The following SYTL4 variants were observed in gnomAD, a reference collection of about 807,000 sequenced individuals.
SYTL4 encodes the protein synaptotagmin like 4.
Under a neutral mutation model 52.7 loss-of-function variants are expected in SYTL4, and 16 were observed. That is an observed-to-expected ratio of 0.30 (90% confidence interval 0.21 to 0.46). SYTL4 has a LOEUF of 0.46. Among genes scored for constraint, SYTL4 ranks in the 20% least tolerant of loss-of-function variants. The probability of loss-of-function intolerance (pLI) is 1.00; values close to 1 mark genes in which losing one functional copy is unlikely to be tolerated. For synonymous variants in SYTL4, 160 were observed against 186.6 expected (o/e 0.86, Z 1.16); for missense variants, 423 against 519.9 (o/e 0.81, Z 1.81).
chrX:100,699,530 C>A lies in SYTL4; in HGVS notation c.539+1367G>T, dbSNP rs2083799540. Among the ~76,000 whole-genome samples, 3 of 70,836 alleles carry A rather than the reference C, an allele frequency of 4.2e-5. No homozygotes were observed. In the Admixed American group the frequency reaches 5.7e-4, roughly 13 times the overall value. The allele number at this position is 70,836 out of a possible 115,157, so 61.5% of individuals were successfully genotyped here. On this transcript the variant is annotated intron_variant, in intron 8 of 19. Coordinates refer to ENST00000372989, the MANE Select transcript of SYTL4 (RefSeq NM_001370165.1). ...TTTGAGACGGAGTCTCACTCTGTTG[C>A]CAGGCTGGAGTGCAATGGCGCGATC... is the stretch of plus-strand genomic sequence containing the variant.
At chrX:100,698,353 T>C (rs1449628733) in intron 8 of SYTL4, among the ~76,000 whole-genome samples, 1 of 111,534 alleles carries the variant, frequency 9.0e-6, no homozygotes, top group Non-Finnish European at 1.9e-5. Context: ...TCCGCCCGCC[T>C]CGGCCTCCCA....
intron 2 of SYTL4, among the ~76,000 whole-genome samples, chrX:100,712,996 G>A (rs1015403091): frequency 8.9e-6 from 1 of 112,081 alleles, no homozygotes; most frequent in Admixed American, 9.5e-5. Flanking sequence ...AATGTTGGCC[G>A]GCATTTGAAG....
chrX:100,688,521 A>G, intron 12 of SYTL4, 78 bp from the exon 13 acceptor site: 1 of 885,518 alleles, frequency 1.1e-6, no homozygotes, highest in South Asian at 2.4e-5. Context: ...TCTTTCCTTT[A>G]AAGCTCCAAG....
At chrX:100,716,546 TAAA>T (rs751442914) in intron 2 of SYTL4, among the ~76,000 whole-genome samples, 15 of 43,305 alleles carry the variant, frequency 3.5e-4, no homozygotes, top group African/African-American at 8.0e-4. Flanking sequence ...CTGCAAAACT[TAAA>T]AAAAAAAAAA....
chrX:100,727,062 G>T (rs1204573070), intron 2 of SYTL4, among the ~76,000 whole-genome samples: 1 of 111,068 alleles, frequency 9.0e-6, no homozygotes, highest in Non-Finnish European at 1.9e-5. Flanking sequence ...TCCTCCTGCT[G>T]CACTGATGTT....
intron 2 of SYTL4, among the ~76,000 whole-genome samples, chrX:100,710,125 T>C (rs1314977298): frequency 8.9e-6 from 1 of 111,785 alleles, no homozygotes; most frequent in Non-Finnish European, 1.9e-5. Flanking sequence ...AAGTTATAAG[T>C]AGTAATTATA....
chrX:100,686,603 A>G lies in SYTL4; in HGVS notation c.1287+76T>C, dbSNP rs1258330203. 5 of 748,302 alleles carry G rather than the reference A, an allele frequency of 6.7e-6. No homozygotes were observed. The East Asian group carries it at 1.7e-4, about 25-fold the overall frequency. The allele number at this position is 748,302 out of a possible 1,213,427, so 61.7% of individuals were successfully genotyped here. A position where few individuals can be genotyped will look rare whatever the true frequency, so the allele number is the denominator to read the frequency against. On this transcript the variant is annotated intron_variant, in intron 15 of 19. Transcript: ENST00000372989. ...CCACTGAAGCCCGTGTCACCTGGTC[A>G]TGTTGCAGAGGAATAGCTACAGCTT...
chrX:100,724,224 C>A (rs1300000330), intron 2 of SYTL4, among the ~76,000 whole-genome samples: 1 of 104,218 alleles, frequency 9.6e-6, no homozygotes, highest in Non-Finnish European at 2.0e-5. Flanking sequence ...GCCCGGCCAG[C>A]CGCCCCGTCC....
chrX:100,723,281 G>T (rs1345505134), intron 2 of SYTL4, among the ~76,000 whole-genome samples: 21 of 111,942 alleles, frequency 1.9e-4, no homozygotes, highest in Admixed American at 1.7e-3. Flanking sequence ...CGCCACGCCT[G>T]ACTGGTTTTC....
intron 2 of SYTL4, among the ~76,000 whole-genome samples, chrX:100,715,945 CA>C (rs769194042): frequency 0.38 from 20,053 of 53,312 alleles, 3,077 homozygotes; most frequent in Non-Finnish European, 0.5. Context: ...CTCTCTCTCT[CA>C]AAAAAAAAAA....
At chrX:100,699,315 C>A (rs1017065507) in intron 8 of SYTL4, among the ~76,000 whole-genome samples, 8 of 101,683 alleles carry the variant, frequency 7.9e-5, no homozygotes, top group African/African-American at 2.9e-4. Context: ...TGCAGTGAGC[C>A]GAGATGGCGC....
Position 100,694,493 on chromosome X carries a change from G to A in SYTL4, c.540-3284C>T, listed in dbSNP as rs941374634. ...ATTTTTTTCATATCTTTGCTCAAAC[G>A]TTACCCTGTTGTTAAGACTTGCCCT... On this transcript the variant is annotated intron_variant, in intron 8 of 19. Coordinates refer to ENST00000372989, the MANE Select transcript of SYTL4 (RefSeq NM_001370165.1). 2.7e-5 allele frequency among the ~76,000 whole-genome samples: 3 copies of A among 111,291 alleles called. No individual in the cohort carries two copies. In the Admixed American group the frequency reaches 2.9e-4, roughly 11 times the overall value.
At chrX:100,729,866 A>G (rs1440785043) in intron 2 of SYTL4, among the ~76,000 whole-genome samples, 2 of 110,385 alleles carry the variant, frequency 1.8e-5, no homozygotes, top group African/African-American at 6.6e-5. Context: ...GGGGAGGGGG[A>G]ATGAGGGAGG....
chrX:100,707,056 T>C (rs1205850919), intron 2 of SYTL4, among the ~76,000 whole-genome samples: 1 of 111,187 alleles, frequency 9.0e-6, no homozygotes, highest in Admixed American at 9.6e-5. Flanking sequence ...TACAAGCAGA[T>C]ACAAACTAGT....
At chrX:100,715,274 C>T (rs929008687) in intron 2 of SYTL4, among the ~76,000 whole-genome samples, 1 of 112,032 alleles carries the variant, frequency 8.9e-6, no homozygotes, top group African/African-American at 3.3e-5. Flanking sequence ...CCTCCTGCCT[C>T]GGCCTCCCAA....
intron 2 of SYTL4, among the ~76,000 whole-genome samples, chrX:100,723,858 G>A (rs755014485): frequency 0.093 from 9,994 of 107,502 alleles, 1,208 homozygotes; most frequent in African/African-American, 0.32. Flanking sequence ...CAGCCACCCC[G>A]TCCGGGAGGG....
intron 19 of SYTL4, among the ~76,000 whole-genome samples, chrX:100,677,643 G>A (rs941753812): frequency 2.7e-5 from 3 of 112,067 alleles, no homozygotes; most frequent in African/African-American, 9.7e-5. Flanking sequence ...GAGAAGGGGT[G>A]AGCAGTGACT....
intron 17 of SYTL4, among the ~76,000 whole-genome samples, 155 bp from the exon 18 acceptor site, chrX:100,679,567 C>T (rs1461858234): frequency 1.8e-5 from 2 of 112,265 alleles, no homozygotes; most frequent in African/African-American, 6.5e-5. Context: ...TAGCACAGTG[C>T]CTGCCAGTAA....
At chrX:100,724,520 G>A (rs1194144300) in intron 2 of SYTL4, among the ~76,000 whole-genome samples, 1 of 105,033 alleles carries the variant, frequency 9.5e-6, no homozygotes, top group Non-Finnish European at 2.0e-5. Flanking sequence ...ATTTTGTGCT[G>A]TACTAAGAAA....
Sources: gnomAD v4.1 joint callset for allele counts (sites outside exome capture counted in the v4.1 genomes callset) on GRCh38, gnomAD v4.1.1 for gene constraint, MANE v1.5 for transcripts, NCBI Gene and HGNC (gene_info 2026-07-23, HGNC 2026-07-21) for gene names.